Variants in PXDNL observed in about 807,000 individuals in gnomAD.
The protein encoded by PXDNL is probable oxidoreductase PXDNL.
A neutral mutation model predicts 150.8 loss-of-function variants in PXDNL; 145 were observed. The observed-to-expected ratio is 0.96, with a 90% CI of 0.84 to 1.10. PXDNL has a LOEUF of 1.10. Ranked by LOEUF, PXDNL falls within the 50% of genes least tolerant of loss-of-function variation. The pLI, the probability that PXDNL is intolerant of heterozygous loss-of-function variation, is 0.00. For missense variants in PXDNL, 2,087 were observed against 1,873.9 expected (o/e 1.11, Z -2.10); for synonymous variants, 757 against 725.7 (o/e 1.04, Z -0.69).
chr8:51,690,702 G>A (rs1282714589), intron 1 of PXDNL, among the ~76,000 whole-genome samples: 1 of 151,918 alleles, frequency 6.6e-6, no homozygotes, highest in African/African-American at 2.4e-5. Flanking sequence ...GGATGGCTGG[G>A]TCAAATGGTA....
At chr8:51,688,699 A>C (rs1815926491) in intron 1 of PXDNL, among the ~76,000 whole-genome samples, 1 of 152,330 alleles carries the variant, frequency 6.6e-6, no homozygotes, top group South Asian at 2.1e-4. Context: ...ATATCTGTAC[A>C]GTCACTACTC....
intron 1 of PXDNL, among the ~76,000 whole-genome samples, chr8:51,662,038 T>C (rs1585656829): frequency 6.6e-6 from 1 of 152,118 alleles, no homozygotes; most frequent in African/African-American, 2.4e-5. Flanking sequence ...CTACACTATT[T>C]TCCAGAAATC....
intron 17 of PXDNL, among the ~76,000 whole-genome samples, chr8:51,381,371 TA>T (rs1003578243): frequency 0.033 from 4,848 of 148,964 alleles, 211 homozygotes; most frequent in African/African-American, 0.096. Flanking sequence ...ATAAAATGAG[TA>T]AAAAAAAAAA....
intron 12 of PXDNL, chr8:51,436,527 G>T (rs2129846034): frequency 4.1e-6 from 1 of 243,218 alleles, no homozygotes; most frequent in Non-Finnish European, 8.6e-6. Flanking sequence ...AGACCACAGT[G>T]GAATAAAATT....
At chr8:51,503,646 G>A (rs1006369641) in intron 4 of PXDNL, among the ~76,000 whole-genome samples, 3 of 152,076 alleles carry the variant, frequency 2.0e-5, no homozygotes, top group Admixed American at 6.6e-5. Context: ...TTACTTGAGA[G>A]GATTTTAAAT....
Position 51,472,002 on chromosome 8 carries a change from G to A in PXDNL, c.812+185C>T, listed in dbSNP as rs77308667. Among the ~76,000 whole-genome samples, 212 of 152,214 alleles carry A rather than the reference G, an allele frequency of 1.4e-3. 5 individuals carry two copies. In the East Asian group the frequency reaches 0.037, roughly 27 times the overall value. On this transcript the variant is annotated intron_variant, in intron 8 of 22. Transcript: ENST00000356297. The stretch of plus-strand genomic sequence containing the variant: ...ACCGCGCCCGGCCGGAAATGTGTAA[G>A]TTTTAAGAAAAAGGCCTTAACATAG...
intron 2 of PXDNL, among the ~76,000 whole-genome samples, chr8:51,610,346 G>T (rs1813972772): frequency 6.6e-6 from 1 of 152,100 alleles, no homozygotes. Context: ...TAATAAACTA[G>T]TGTGAAGGTT....
At chr8:51,338,707 T>C (rs6473596) in intron 21 of PXDNL, among the ~76,000 whole-genome samples, 68,107 of 152,210 alleles carry the variant, frequency 0.45, 18,911 homozygotes, top group African/African-American at 0.8. Flanking sequence ...TGAATAAAAA[T>C]ATCTACATCG....
intron 3 of PXDNL, among the ~76,000 whole-genome samples, chr8:51,579,348 G>A (rs1322220981): frequency 6.6e-6 from 1 of 151,998 alleles, no homozygotes; most frequent in African/African-American, 2.4e-5. Context: ...CATGACAGAT[G>A]TTCAACATCA....
At chr8:51,621,727 C>A (rs1424088058) in intron 2 of PXDNL, among the ~76,000 whole-genome samples, 1 of 151,942 alleles carries the variant, frequency 6.6e-6, no homozygotes, top group Non-Finnish European at 1.5e-5. Flanking sequence ...ATCACTTGAG[C>A]CCAGGAGTTT....
At chr8:51,728,659 C>T (rs1001618895) in intron 1 of PXDNL, among the ~76,000 whole-genome samples, 1 of 151,962 alleles carries the variant, frequency 6.6e-6, no homozygotes, top group South Asian at 2.1e-4. Context: ...TATGTTTGTA[C>T]AGCTGTAAAA....
Position 51,371,970 on chromosome 8 carries a change from C to T in PXDNL, c.3804G>A (p.Gln1268=). The T allele has an allele frequency of 6.2e-7, 1 of 1,613,842 alleles. No homozygotes were observed. The highest frequency in any genetic ancestry group is 8.5e-7 in the Non-Finnish European group (1 of 1,179,842). Residue 1268 remains glutamine (Q), a synonymous_variant, in exon 19 of 23, where the codon CAG becomes CAA. Transcript: ENST00000356297. ...CDNGDSIQQV[Q]ADVFVKAEYP... Reference sequence around the variant, plus strand: ...ATTCTGCCTTTACAAAGACATCAGCCTGCACTTGCTGAATGCTGTCACCAT... The same window carrying T: ...ATTCTGCCTTTACAAAGACATCAGCTTGCACTTGCTGAATGCTGTCACCAT...
chr8:51,724,684 C>G (rs1433940507), intron 1 of PXDNL, among the ~76,000 whole-genome samples: 1 of 152,144 alleles, frequency 6.6e-6, no homozygotes, highest in East Asian at 1.9e-4. Flanking sequence ...GAGTAACAGG[C>G]TTTGTGTGGG....
At chr8:51,489,286 G>T (rs1201192851) in intron 5 of PXDNL, among the ~76,000 whole-genome samples, 6 of 152,088 alleles carry the variant, frequency 3.9e-5, no homozygotes, top group Non-Finnish European at 5.9e-5. Context: ...CTCATTCCTT[G>T]ATGTAAATTT....
At chr8:51,550,398 C>T (rs35707769) in intron 4 of PXDNL, among the ~76,000 whole-genome samples, 4,741 of 152,106 alleles carry the variant, frequency 0.031, 106 homozygotes, top group South Asian at 0.061. Flanking sequence ...AACTACAGAC[C>T]AATGTCCCTG....
intron 1 of PXDNL, among the ~76,000 whole-genome samples, chr8:51,733,330 A>T (rs1458683273): frequency 6.6e-6 from 1 of 152,192 alleles, no homozygotes; most frequent in Non-Finnish European, 1.5e-5. Context: ...CCAAAATGTA[A>T]CTCAAGTGTT....
Position 51,643,645 on chromosome 8 carries a change from C to T in PXDNL, c.236+11044G>A, listed in dbSNP as rs575569140. The stretch of plus-strand genomic sequence containing the variant: ...GACATAGGCATGGGCAAGGACTTCA[C>T]GTCTAAAACACCAAAAGCAATGGCA... On this transcript the variant is annotated intron_variant, in intron 2 of 22. Transcript: ENST00000356297. Among the ~76,000 whole-genome samples, 974 of 152,162 alleles carry T rather than the reference C, an allele frequency of 6.4e-3. 17 individuals are homozygous for T. The highest frequency in any genetic ancestry group is 0.022 in the African/African-American group (900 of 41,492).
chr8:51,446,411 T>G (rs1009268627), intron 12 of PXDNL, among the ~76,000 whole-genome samples: 2 of 152,156 alleles, frequency 1.3e-5, no homozygotes, highest in African/African-American at 2.4e-5. Context: ...TAAGAAAAAA[T>G]TTCAGCAGTA....
chr8:51,403,328 T>A lies in PXDNL; in HGVS notation c.3557+4739A>T, dbSNP rs979112266. ...TGTCACAAATCCTTCTGGCAAATGC[T>A]GTGGTCTGTGGATCTGACAGCAGTG... On this transcript the variant is annotated intron_variant, in intron 17 of 22. Coordinates refer to ENST00000356297, the MANE Select transcript of PXDNL (RefSeq NM_144651.5). 2.0e-5 allele frequency among the ~76,000 whole-genome samples: 3 copies of A among 152,162 alleles called. No homozygotes were observed. The East Asian group carries it at 5.8e-4, about 29-fold the overall frequency.
Sources: gnomAD v4.1 joint callset for allele counts (sites outside exome capture counted in the v4.1 genomes callset) on GRCh38, gnomAD v4.1.1 for gene constraint, MANE v1.5 for transcripts, NCBI Gene and HGNC (gene_info 2026-07-23, HGNC 2026-07-21) for gene names.